The following TRDN variants were observed in gnomAD, a reference collection of about 807,000 sequenced individuals.
TRDN encodes triadin in skeletal muscle.
TRDN carries 161 observed loss-of-function variants against 149.7 expected under a neutral mutation model. The ratio of observed to expected loss-of-function variants is 1.08; its 90% CI spans 0.95 to 1.23. TRDN has a LOEUF of 1.23. Ranked by LOEUF, TRDN falls within the 50% of genes most tolerant of loss-of-function variation. TRDN has a pLI of 0.00. For missense variants in TRDN, 896 were observed against 823.5 expected (o/e 1.09, Z -1.08); for synonymous variants, 294 against 250.5 (o/e 1.17, Z -1.64).
chr6:123,250,496 T>A (rs1776335793), intron 38 of TRDN, among the ~76,000 whole-genome samples: 1 of 152,092 alleles, frequency 6.6e-6, no homozygotes, highest in South Asian at 2.1e-4. Flanking sequence ...CTCTTCTTTA[T>A]AAATACCTAA....
chr6:123,411,955 G>A lies in TRDN; in HGVS notation c.1052-18278C>T, dbSNP rs977433496. 26 of 152,274 alleles carry A rather than the reference G, an allele frequency of 1.7e-4. 1 individual carries two copies. Among genetic ancestry groups the A allele is most frequent in the African/African-American group, 5.5e-4 (23 of 41,574 alleles). 9.4% of individuals were successfully genotyped at this position (152,274 alleles called of 1,614,324 possible). On this transcript the variant is annotated intron_variant, in intron 12 of 40. Coordinates refer to ENST00000334268, the MANE Select transcript of TRDN (RefSeq NM_006073.4). Reference sequence around the variant, plus strand: ...GGGAAGGATTTGGGACTTTTAAAGAGTATAGGTATATTAGAGACAGTTTTT... The same window carrying A: ...GGGAAGGATTTGGGACTTTTAAAGAATATAGGTATATTAGAGACAGTTTTT...
chr6:123,223,096 C>T (rs1242701628), intron 39 of TRDN, among the ~76,000 whole-genome samples: 1 of 151,744 alleles, frequency 6.6e-6, no homozygotes. Flanking sequence ...GATGATTCCT[C>T]AAAGAGCTAA....
chr6:123,381,716 T>C (rs888385416), intron 15 of TRDN, among the ~76,000 whole-genome samples: 6 of 152,058 alleles, frequency 3.9e-5, no homozygotes, highest in African/African-American at 9.6e-5. Context: ...GGCACAGGTA[T>C]ACTTGCCAAA....
intron 24 of TRDN, among the ~76,000 whole-genome samples, chr6:123,307,348 T>C (rs1270688826): frequency 6.6e-6 from 1 of 152,094 alleles, no homozygotes; most frequent in Non-Finnish European, 1.5e-5. Flanking sequence ...GACAGTTCTT[T>C]CTTAATTAAT....
At position 123,548,591 on chromosome 6, in the gene TRDN, C is replaced by A. The variant is rs1781232958; in HGVS notation, c.254G>T (p.Gly85Val). 2 of 1,480,300 alleles carry A rather than the reference C, an allele frequency of 1.4e-6. No individual in the cohort carries two copies. Among genetic ancestry groups the A allele is most frequent in the Admixed American group, 2.4e-5 (1 of 41,298 alleles). 91.7% of individuals were successfully genotyped at this position (1,480,300 alleles called of 1,614,324 possible). The change falls in exon 3 of 41, where the codon GGC becomes GTC. Residue 85 changes from glycine (G) to valine (V), a missense_variant. Physicochemically the swap from Gly to Val is moderately radical, Grantham distance 109. Transcript: ENST00000334268. ...ACGTACCAGTTTTAAAGGATCTGAG[C>A]CAATCTTGGCAATAGAGCTTGCTAA... ...NFSASSIAKI[G>V]SDPLKLVRDA...
intron 15 of TRDN, among the ~76,000 whole-genome samples, 189 bp downstream of exon 15, chr6:123,381,929 T>C (rs570956200): frequency 1.3e-4 from 20 of 151,744 alleles, no homozygotes; most frequent in African/African-American, 3.9e-4. Flanking sequence ...ATACTTCTCA[T>C]AGCAGTATTG....
intron 1 of TRDN, among the ~76,000 whole-genome samples, chr6:123,582,685 C>T (rs1020845591): frequency 2.6e-5 from 4 of 152,110 alleles, no homozygotes; most frequent in African/African-American, 7.2e-5. Context: ...TGGATGTGTA[C>T]GTGCAGGTCA....
rs150057818 is a variant in TRDN at position 123,436,665 on chromosome 6, C to T, written c.1051+1398G>A. ...AAAGGAAAGATTTTCACTAAAATGC[C>T]GTCTAACCCAGCCTGCCCTCCCCAG... On this transcript the variant is annotated intron_variant, in intron 12 of 40. Coordinates refer to ENST00000334268, the MANE Select transcript of TRDN (RefSeq NM_006073.4). Among the ~76,000 whole-genome samples, 680 of 152,080 alleles carry T rather than the reference C, an allele frequency of 4.5e-3. 4 individuals are homozygous for T. Among genetic ancestry groups the T allele is most frequent in the African/African-American group, 0.011 (444 of 41,490 alleles).
At chr6:123,371,578 C>T (rs1386240033) in intron 19 of TRDN, among the ~76,000 whole-genome samples, 1 of 152,102 alleles carries the variant, frequency 6.6e-6, no homozygotes, top group Non-Finnish European at 1.5e-5. Context: ...TTTCTGGTTT[C>T]CCATTTGAAA....
intron 38 of TRDN, among the ~76,000 whole-genome samples, chr6:123,242,618 T>C (rs868235528): frequency 1.3e-5 from 2 of 152,074 alleles, no homozygotes; most frequent in Non-Finnish European, 2.9e-5. Flanking sequence ...TTTGAATAGA[T>C]GGTCTAAGAG....
At chr6:123,560,143 A>G (rs1781905399) in intron 2 of TRDN, among the ~76,000 whole-genome samples, 1 of 152,170 alleles carries the variant, frequency 6.6e-6, no homozygotes, top group Non-Finnish European at 1.5e-5. Flanking sequence ...CTGCTTAAAT[A>G]CTTTTAGAGA....
At chr6:123,434,883 A>G (rs547525094) in intron 12 of TRDN, among the ~76,000 whole-genome samples, 2 of 151,992 alleles carry the variant, frequency 1.3e-5, no homozygotes, top group African/African-American at 4.8e-5. Flanking sequence ...CAATATACCA[A>G]TTGCTCAGTT....
chr6:123,246,616 G>C (rs1352469628), intron 38 of TRDN, among the ~76,000 whole-genome samples: 1 of 151,434 alleles, frequency 6.6e-6, no homozygotes, highest in African/African-American at 2.4e-5. Flanking sequence ...AAAAAAAAAG[G>C]CCCACGAGCA....
chr6:123,438,867 A>G (rs1027713530), intron 11 of TRDN, 77 bp downstream of exon 11: 3 of 1,188,368 alleles, frequency 2.5e-6, no homozygotes, highest in Non-Finnish European at 3.5e-6. Context: ...TCTTTCCTAG[A>G]AAATAATAGA....
chr6:123,362,192 C>T (rs1780934358), intron 20 of TRDN, among the ~76,000 whole-genome samples: 1 of 152,124 alleles, frequency 6.6e-6, no homozygotes, highest in Non-Finnish European at 1.5e-5. Flanking sequence ...GAATATACTT[C>T]TTTATTAGTG....
intron 26 of TRDN, among the ~76,000 whole-genome samples, chr6:123,276,367 G>C (rs549414386): frequency 6.6e-6 from 1 of 152,232 alleles, no homozygotes; most frequent in South Asian, 2.1e-4. Context: ...GTGTTCTTCT[G>C]TTAGGTGGAA....
At chr6:123,366,610 C>A (rs1055452537) in intron 19 of TRDN, among the ~76,000 whole-genome samples, 3 of 152,166 alleles carry the variant, frequency 2.0e-5, no homozygotes, top group African/African-American at 7.2e-5. Context: ...CTCTCCCTCC[C>A]AGGTTCAAGC....
chr6:123,464,623 C>T, intron 10 of TRDN: 1 of 1,143,940 alleles, frequency 8.7e-7, no homozygotes, highest in Non-Finnish European at 1.1e-6. Context: ...CAAGGCATAG[C>T]CTTATCTATT....
At chr6:123,588,788 C>T (rs1441197798) in intron 1 of TRDN, among the ~76,000 whole-genome samples, 1 of 152,104 alleles carries the variant, frequency 6.6e-6, no homozygotes, top group Non-Finnish European at 1.5e-5. Flanking sequence ...CAAACCAGTC[C>T]ATAGCATGTA....
Sources: gnomAD v4.1 joint callset for allele counts (sites outside exome capture counted in the v4.1 genomes callset) on GRCh38, gnomAD v4.1.1 for gene constraint, MANE v1.5 for transcripts, NCBI Gene and HGNC (gene_info 2026-07-23, HGNC 2026-07-21) for gene names.